Variants in CDK14 observed in about 807,000 individuals in gnomAD.
The protein encoded by CDK14 is cyclin-dependent kinase 14.
A neutral mutation model predicts 60.7 loss-of-function variants in CDK14; 34 were observed. The observed-to-expected ratio is 0.56, with a 90% CI of 0.43 to 0.75. CDK14 has a LOEUF of 0.75. CDK14 is among the 30% of genes least tolerant of loss of function. The probability of loss-of-function intolerance (pLI) is 0.00; values close to 1 mark genes in which losing one functional copy is unlikely to be tolerated. For missense variants in CDK14, 482 were observed against 564.1 expected (o/e 0.85, Z 1.47); for synonymous variants, 197 against 203.7 (o/e 0.97, Z 0.28).
chr7:90,631,250 C>G (rs1799991398), intron 2 of CDK14, among the ~76,000 whole-genome samples: 1 of 152,146 alleles, frequency 6.6e-6, no homozygotes. Flanking sequence ...TCATGAATGA[C>G]TGGACATGTA....
At chr7:90,612,485 T>G (rs1223039113) in intron 2 of CDK14, among the ~76,000 whole-genome samples, 1 of 152,098 alleles carries the variant, frequency 6.6e-6, no homozygotes, top group Non-Finnish European at 1.5e-5. Context: ...TAGTAAGATT[T>G]TATAGGCCAG....
At chr7:90,609,198 TA>T (rs1274485658) in intron 2 of CDK14, among the ~76,000 whole-genome samples, 5 of 152,090 alleles carry the variant, frequency 3.3e-5, no homozygotes, top group African/African-American at 1.2e-4. Flanking sequence ...CTAATTTTTG[TA>T]TTTTTTGTAG....
chr7:90,937,850 T>C lies in CDK14; in HGVS notation c.827-17847T>C, dbSNP rs540967699. Among the ~76,000 whole-genome samples the C allele has an allele frequency of 2.0e-5, 3 of 152,316 alleles. No individual in the cohort carries two copies. The East Asian group carries it at 5.8e-4, about 29-fold the overall frequency. On this transcript the variant is annotated intron_variant, in intron 8 of 14. Coordinates refer to ENST00000380050, the MANE Select transcript of CDK14 (RefSeq NM_001287135.2). ...TAACCAATGAGCTGGTAATAAAGCA[T>C]TTGGTTCAGTGAGATTTTCAAAGGA... is the stretch of plus-strand genomic sequence containing the variant.
Position 90,747,903 on chromosome 7 carries a change from T to C in CDK14, c.464+128T>C, listed in dbSNP as rs527574735. The C allele has an allele frequency of 9.7e-4, 301 of 309,954 alleles. 2 individuals carry two copies. In the Middle Eastern group the frequency reaches 0.019, roughly 20 times the overall value. The allele number at this position is 309,954 out of a possible 1,614,324, so 19.2% of individuals were successfully genotyped here. On this transcript the variant is annotated intron_variant, in intron 4 of 14. Coordinates refer to ENST00000380050, the MANE Select transcript of CDK14 (RefSeq NM_001287135.2). Reference sequence around the variant, plus strand: ...TTTTCCTCCCTCACGGTATCCTTTTTTTTTTTTTTTTTTGGCAAGTGTGTA... The same window carrying C: ...TTTTCCTCCCTCACGGTATCCTTTTCTTTTTTTTTTTTTGGCAAGTGTGTA...
chr7:90,859,692 G>T (rs1318907107), intron 5 of CDK14, among the ~76,000 whole-genome samples: 4 of 151,978 alleles, frequency 2.6e-5, no homozygotes, highest in Admixed American at 6.6e-5. Context: ...CAACCAGTGT[G>T]ATACATTTGT....
chr7:90,628,662 A>G (rs948967672), intron 2 of CDK14, among the ~76,000 whole-genome samples: 3 of 151,962 alleles, frequency 2.0e-5, no homozygotes, highest in African/African-American at 7.2e-5. Flanking sequence ...GTCTCTAAAA[A>G]TATATATATA....
intron 5 of CDK14, among the ~76,000 whole-genome samples, chr7:90,853,009 C>G (rs73401814): frequency 0.033 from 5,051 of 152,234 alleles, 257 homozygotes; most frequent in African/African-American, 0.11. Flanking sequence ...AATTCAGCTC[C>G]AACCAAAATC....
intron 4 of CDK14, among the ~76,000 whole-genome samples, chr7:90,755,962 G>A (rs1403874454): frequency 6.6e-6 from 1 of 152,132 alleles, no homozygotes; most frequent in Non-Finnish European, 1.5e-5. Flanking sequence ...GTATGAGGTG[G>A]GTCCCATTAT....
intron 9 of CDK14, among the ~76,000 whole-genome samples, chr7:90,960,408 G>A (rs1348851987): frequency 2.6e-5 from 4 of 152,060 alleles, no homozygotes; most frequent in Non-Finnish European, 5.9e-5. Context: ...TTGTCAAAAT[G>A]TGGGGCAAAT....
At chr7:90,625,120 A>G (rs1799849750) in intron 2 of CDK14, among the ~76,000 whole-genome samples, 1 of 152,200 alleles carries the variant, frequency 6.6e-6, no homozygotes, top group African/African-American at 2.4e-5. Context: ...CGGGAGATCA[A>G]GGAAGGAGGA....
In CDK14 at chr7:90,694,520, A is replaced by G. The variant is rs151125506; in HGVS notation, c.124-32047A>G. 1.8e-4 allele frequency among the ~76,000 whole-genome samples: 27 copies of G among 152,246 alleles called. No individual in the cohort carries two copies. The East Asian group carries it at 5.2e-3, about 29-fold the overall frequency. On this transcript the variant is annotated intron_variant, in intron 2 of 14. Coordinates refer to ENST00000380050, the MANE Select transcript of CDK14 (RefSeq NM_001287135.2). ...CCCTTGTCTAGACCAACTGAACTTT[A>G]TTTTACTTTAATTTGAAGTTTGTAT...
intron 14 of CDK14, among the ~76,000 whole-genome samples, chr7:91,131,890 G>T (rs976172219): frequency 3.3e-5 from 5 of 151,962 alleles, no homozygotes; most frequent in African/African-American, 9.7e-5. Flanking sequence ...CCATCTCCTC[G>T]CATGGCACAT....
At chr7:90,872,287 T>A (rs1050585489) in intron 6 of CDK14, among the ~76,000 whole-genome samples, 5 of 152,242 alleles carry the variant, frequency 3.3e-5, no homozygotes, top group Admixed American at 2.6e-4. Flanking sequence ...AGGGTTTTTG[T>A]TTCATATATG....
chr7:91,061,439 G>T (rs1237748647), intron 11 of CDK14, among the ~76,000 whole-genome samples: 1 of 152,224 alleles, frequency 6.6e-6, no homozygotes, highest in Non-Finnish European at 1.5e-5. Context: ...TCCGTTGCTG[G>T]TGAGGAACTG....
At chr7:90,861,117 A>G (rs1205403376) in intron 5 of CDK14, among the ~76,000 whole-genome samples, 1 of 151,880 alleles carries the variant, frequency 6.6e-6, no homozygotes, top group African/African-American at 2.4e-5. Context: ...AGCCACCCCA[A>G]CCCCTGAGGA....
chr7:90,613,049 C>T lies in CDK14; in HGVS notation c.123+8800C>T, dbSNP rs73707277. On this transcript the variant is annotated intron_variant, in intron 2 of 14. Coordinates refer to ENST00000380050, the MANE Select transcript of CDK14 (RefSeq NM_001287135.2). ...AAAACTTTCTGTGCTTCAGTTTTTC[C>T]TTTTTATAAATGTTTGATCATATTT... Among the ~76,000 whole-genome samples, 781 of 151,984 alleles carry T rather than the reference C, an allele frequency of 5.1e-3. 6 individuals are homozygous for T. The highest frequency in any genetic ancestry group is 0.016 in the African/African-American group (668 of 41,464).
intron 8 of CDK14, among the ~76,000 whole-genome samples, chr7:90,935,361 G>A (rs1342930710): frequency 1.3e-5 from 2 of 152,186 alleles, no homozygotes; most frequent in Admixed American, 1.3e-4. Context: ...CTGAAACTAG[G>A]TAATTAGGGA....
intron 6 of CDK14, among the ~76,000 whole-genome samples, chr7:90,886,950 T>C (rs1180428705): frequency 1.3e-5 from 2 of 152,172 alleles, no homozygotes; most frequent in Non-Finnish European, 1.5e-5. Context: ...AGTTGATTGT[T>C]GGCTATTTTT....
At chr7:91,081,574 T>C (rs947116930) in intron 12 of CDK14, among the ~76,000 whole-genome samples, 6 of 152,190 alleles carry the variant, frequency 3.9e-5, no homozygotes, top group Non-Finnish European at 8.8e-5. Context: ...TTAACCTAGG[T>C]ATTGAAGCTA....
Sources: gnomAD v4.1 joint callset for allele counts (sites outside exome capture counted in the v4.1 genomes callset) on GRCh38, gnomAD v4.1.1 for gene constraint, MANE v1.5 for transcripts, NCBI Gene and HGNC (gene_info 2026-07-23, HGNC 2026-07-21) for gene names.